SYAP1: variants seen among roughly 807,000 people sequenced by gnomAD.
SYAP1 encodes the protein synapse-associated protein 1.
A neutral mutation model predicts 29.6 loss-of-function variants in SYAP1; 3 were observed. The observed-to-expected ratio is 0.10, with a 90% CI of 0.05 to 0.26. The LOEUF (loss-of-function observed/expected upper bound fraction) is 0.26, where lower values mean the gene tolerates loss of function less well. SYAP1 is among the 10% of genes least tolerant of loss of function. The pLI is 1.00. For missense variants in SYAP1, 217 were observed against 264.1 expected (o/e 0.82, Z 1.24); for synonymous variants, 102 against 102.7 (o/e 0.99, Z 0.04).
chrX:16,727,869 G>A (rs1225168929), intron 1 of SYAP1, among the ~76,000 whole-genome samples: 2 of 112,015 alleles, frequency 1.8e-5, no homozygotes, highest in Non-Finnish European at 3.8e-5. Flanking sequence ...AGTCAAGTTT[G>A]ATTCATTAAA....
At chrX:16,727,329 T>C (rs1303402574) in intron 1 of SYAP1, among the ~76,000 whole-genome samples, 3 of 104,258 alleles carry the variant, frequency 2.9e-5, no homozygotes, top group Non-Finnish European at 5.9e-5. Flanking sequence ...ATAGAAGGAA[T>C]CTGAGATAAG....
chrX:16,745,928 T>G, intron 5 of SYAP1, among the ~76,000 whole-genome samples: 1 of 110,590 alleles, frequency 9.0e-6, no homozygotes, highest in African/African-American at 3.3e-5. Context: ...CACATGTTTG[T>G]TTTGCTATGC....
At chrX:16,719,962 T>C (rs1212177973) in intron 1 of SYAP1, 63 bp downstream of exon 1, 3 of 1,062,952 alleles carry the variant, frequency 2.8e-6, no homozygotes, top group African/African-American at 2.0e-5. Context: ...GGGACGGCCC[T>C]GGGGCGCGGG....
chrX:16,742,566 G>A (rs760737587), intron 4 of SYAP1, among the ~76,000 whole-genome samples: 5 of 111,486 alleles, frequency 4.5e-5, no homozygotes, highest in Non-Finnish European at 9.4e-5. Context: ...GGGATTACAG[G>A]TGTGAGCCAC....
intron 3 of SYAP1, among the ~76,000 whole-genome samples, chrX:16,740,546 C>T (rs1442130085): frequency 5.5e-5 from 6 of 109,927 alleles, no homozygotes; most frequent in Non-Finnish European, 1.1e-4. Context: ...ACAGAAGAGT[C>T]GCAAGAATAA....
At chrX:16,730,520 T>C (rs1193818009) in intron 1 of SYAP1, among the ~76,000 whole-genome samples, 1 of 112,341 alleles carries the variant, frequency 8.9e-6, no homozygotes, top group Non-Finnish European at 1.9e-5. Context: ...GCAGATAAGG[T>C]CTGACTTATT....
chrX:16,736,013 G>A (rs1344618678), intron 2 of SYAP1, among the ~76,000 whole-genome samples, 153 bp from the exon 3 acceptor site: 1 of 112,632 alleles, frequency 8.9e-6, no homozygotes, highest in Non-Finnish European at 1.9e-5. Flanking sequence ...AGCCCATTAG[G>A]AACAACCCTT....
At chrX:16,724,615 A>G (rs925654048) in intron 1 of SYAP1, among the ~76,000 whole-genome samples, 3 of 111,459 alleles carry the variant, frequency 2.7e-5, no homozygotes, top group East Asian at 5.6e-4. Flanking sequence ...CAGGGAACCA[A>G]TCTCTTCCAC....
At chrX:16,754,389 C>T (rs1272435539) in intron 5 of SYAP1, among the ~76,000 whole-genome samples, 2 of 111,343 alleles carry the variant, frequency 1.8e-5, no homozygotes, top group African/African-American at 3.3e-5. Context: ...TTTGCTGCTA[C>T]GGGGAAGATA....
chrX:16,738,344 G>A (rs1179259604), intron 3 of SYAP1, among the ~76,000 whole-genome samples: 1 of 112,020 alleles, frequency 8.9e-6, no homozygotes, highest in Non-Finnish European at 1.9e-5. Flanking sequence ...GAACCTGGGA[G>A]GTGGAGGTTG....
At chrX:16,733,814 C>T (rs1253782465) in intron 1 of SYAP1, among the ~76,000 whole-genome samples, 4 of 110,075 alleles carry the variant, frequency 3.6e-5, no homozygotes, top group African/African-American at 6.6e-5. Context: ...TACAGGCGCA[C>T]GCCACCATGC....
intron 5 of SYAP1, among the ~76,000 whole-genome samples, chrX:16,748,014 C>T (rs1203407621): frequency 3.7e-5 from 4 of 109,450 alleles, no homozygotes; most frequent in Non-Finnish European, 5.7e-5. Flanking sequence ...ACCCAGGAGG[C>T]GGAGGTTGCA....
At chrX:16,721,691 C>T (rs1022607149) in intron 1 of SYAP1, among the ~76,000 whole-genome samples, 1 of 91,003 alleles carries the variant, frequency 1.1e-5, no homozygotes, top group African/African-American at 4.7e-5. Flanking sequence ...CCACACCTGG[C>T]TAATTTTTTT....
At chrX:16,734,561 A>G (rs974437995) in intron 1 of SYAP1, among the ~76,000 whole-genome samples, 7 of 110,998 alleles carry the variant, frequency 6.3e-5, no homozygotes, top group African/African-American at 2.3e-4. Flanking sequence ...GAGATCTAGA[A>G]AGGAAGAAAA....
chrX:16,741,717 A>C lies in SYAP1; in HGVS notation c.363A>C (p.Glu121Asp), dbSNP rs755599622. 2.6e-5 allele frequency: 31 copies of C among 1,198,304 alleles called. 1 individual carries two copies. In the East Asian group the frequency reaches 8.0e-4, roughly 31 times the overall value. The change falls in exon 4 of 9, where the codon GAA becomes GAC. Residue 121 changes from glutamate (E) to aspartate (D), a missense_variant and splice_region_variant. Transcript: ENST00000380155. ...TCTTTGCCATTAAAAACTGTATAGA[A>C]GCAGCTGTGCCCCCATGGGTTGACA... is the stretch of plus-strand genomic sequence containing the variant. ...FVEEQHTKKS[E>D]AAVPPWVDTN...
chrX:16,759,066 C>T (rs1926919349), intron 8 of SYAP1, among the ~76,000 whole-genome samples: 1 of 108,016 alleles, frequency 9.3e-6, no homozygotes, highest in African/African-American at 3.4e-5. Context: ...GTGGTGGGTG[C>T]CTGTAGTCCC....
intron 5 of SYAP1, among the ~76,000 whole-genome samples, chrX:16,747,103 G>A (rs1431790076): frequency 1.8e-5 from 2 of 110,962 alleles, no homozygotes; most frequent in East Asian, 5.7e-4. Context: ...GTGCTGCTAC[G>A]CCTGCCTAAT....
intron 2 of SYAP1, among the ~76,000 whole-genome samples, 172 bp from the exon 3 acceptor site, chrX:16,735,994 T>C (rs990456484): frequency 2.7e-5 from 3 of 112,633 alleles, no homozygotes; most frequent in Non-Finnish European, 5.6e-5. Context: ...ATCATGCGAC[T>C]AAGGTCCTAG....
At chrX:16,754,016 T>G (rs1926791655) in intron 5 of SYAP1, among the ~76,000 whole-genome samples, 1 of 110,959 alleles carries the variant, frequency 9.0e-6, no homozygotes. Flanking sequence ...CACCAGGTGA[T>G]TCTAATAGGT....
Sources: gnomAD v4.1 joint callset for allele counts (sites outside exome capture counted in the v4.1 genomes callset) on GRCh38, gnomAD v4.1.1 for gene constraint, MANE v1.5 for transcripts, NCBI Gene and HGNC (gene_info 2026-07-23, HGNC 2026-07-21) for gene names.